The following SLIT2 variants were observed in gnomAD, a reference collection of about 807,000 sequenced individuals.
The protein encoded by SLIT2 is slit homolog 2 protein.
A neutral mutation model predicts 185.7 loss-of-function variants in SLIT2; 41 were observed. The ratio of observed to expected loss-of-function variants is 0.22; its 90% CI spans 0.17 to 0.29. The LOEUF (loss-of-function observed/expected upper bound fraction) is 0.29, where lower values mean the gene tolerates loss of function less well. Ranked by LOEUF, SLIT2 falls within the 10% of genes least tolerant of loss-of-function variation. The pLI, the probability that SLIT2 is intolerant of heterozygous loss-of-function variation, is 1.00. For missense variants in SLIT2, 1,571 were observed against 1,909.0 expected, an observed-to-expected ratio of 0.82 and a Z score of 3.30; for synonymous variants, 693 against 680.2, an observed-to-expected ratio of 1.02 and a Z score of -0.29.
At chr4:20,477,426 T>C (rs560637403) in intron 5 of SLIT2, among the ~76,000 whole-genome samples, 1 of 152,274 alleles carries the variant, frequency 6.6e-6, no homozygotes, top group South Asian at 2.1e-4. Flanking sequence ...CTCAAACCCC[T>C]GACCTCGGGT....
At chr4:20,579,848 T>C (rs1020041546) in intron 29 of SLIT2, among the ~76,000 whole-genome samples, 3 of 151,414 alleles carry the variant, frequency 2.0e-5, no homozygotes, top group Non-Finnish European at 4.4e-5. Context: ...AAAATTACTA[T>C]AGTTAAGAAA....
intron 4 of SLIT2, among the ~76,000 whole-genome samples, chr4:20,325,231 T>C (rs1719465615): frequency 6.6e-6 from 1 of 151,842 alleles, no homozygotes; most frequent in African/African-American, 2.4e-5. Flanking sequence ...AAGTTGATCT[T>C]ACTTCTGCTC....
chr4:20,603,259 C>T (rs1434873309), intron 33 of SLIT2, among the ~76,000 whole-genome samples: 1 of 152,140 alleles, frequency 6.6e-6, no homozygotes, highest in East Asian at 1.9e-4. Flanking sequence ...TCATTCGCTA[C>T]CATGATAACA....
chr4:20,280,355 C>CAACAA (rs1714625044), intron 4 of SLIT2, among the ~76,000 whole-genome samples: 1 of 141,736 alleles, frequency 7.1e-6, no homozygotes, highest in Non-Finnish European at 1.6e-5. Flanking sequence ...AAAAAAAGAA[C>CAACAA]AACAACAAAA....
intron 4 of SLIT2, among the ~76,000 whole-genome samples, chr4:20,283,002 G>A (rs1714920065): frequency 6.6e-6 from 1 of 152,074 alleles, no homozygotes; most frequent in South Asian, 2.1e-4. Context: ...TTCTGTTGTA[G>A]CCTTGAGAAA....
chr4:20,443,747 C>CTA lies in SLIT2; in HGVS notation c.396-24002_396-24001dup, dbSNP rs1729948712. Among the ~76,000 whole-genome samples the CTA allele has an allele frequency of 3.3e-5, 5 of 152,202 alleles. No individual in the cohort carries two copies. In the South Asian group the frequency reaches 1.0e-3, roughly 32 times the overall value. On this transcript the variant is annotated intron_variant, in intron 4 of 36. Coordinates refer to ENST00000504154, the MANE Select transcript of SLIT2 (RefSeq NM_004787.4). ...ATTATCCTGGAATGTTTGAGCTTAACTATAGCCTTGAAAGTAAATGAGATA... is the reference window on the plus strand; with the variant it reads ...ATTATCCTGGAATGTTTGAGCTTAACTATATAGCCTTGAAAGTAAATGAGATA...
At chr4:20,356,032 T>C (rs921189608) in intron 4 of SLIT2, among the ~76,000 whole-genome samples, 3 of 152,152 alleles carry the variant, frequency 2.0e-5, no homozygotes, top group African/African-American at 7.2e-5. Context: ...TATTGTTAAA[T>C]AGGGAACAAG....
At chr4:20,545,930 A>G in intron 21 of SLIT2, 101 bp from the exon 22 acceptor site, 1 of 517,600 alleles carries the variant, frequency 1.9e-6, no homozygotes, top group Non-Finnish European at 3.3e-6. Flanking sequence ...AAAAATTGCC[A>G]AGGGGTTCCT....
intron 4 of SLIT2, among the ~76,000 whole-genome samples, chr4:20,338,570 T>C (rs919406920): frequency 6.6e-6 from 1 of 152,166 alleles, no homozygotes; most frequent in East Asian, 1.9e-4. Context: ...GCAAGGCAAA[T>C]TCACCTTTGT....
intron 4 of SLIT2, among the ~76,000 whole-genome samples, chr4:20,408,715 T>A (rs748072551): frequency 1.2e-4 from 19 of 152,156 alleles, no homozygotes; most frequent in Admixed American, 2.6e-4. Context: ...GAGTAAATGA[T>A]GAGTGAGCTG....
chr4:20,365,792 C>T (rs1262660697), intron 4 of SLIT2, among the ~76,000 whole-genome samples: 1 of 152,128 alleles, frequency 6.6e-6, no homozygotes, highest in Non-Finnish European at 1.5e-5. Context: ...TGTTCATCTA[C>T]ATCTTGTGTG....
intron 4 of SLIT2, among the ~76,000 whole-genome samples, chr4:20,302,956 C>T (rs1006656748): frequency 4.9e-5 from 7 of 143,428 alleles, no homozygotes; most frequent in Non-Finnish European, 1.1e-4. Context: ...AAATCTTATC[C>T]CATTATCTAC....
chr4:20,266,830 A>G lies in SLIT2; in HGVS notation c.324-1980A>G, dbSNP rs547942315. 6.6e-5 allele frequency among the ~76,000 whole-genome samples: 10 copies of G among 152,102 alleles called. No individual in the cohort carries two copies. The South Asian group carries it at 2.1e-3, about 32-fold the overall frequency. Reference sequence around the variant, plus strand: ...GCCAAGAGAAGCACTAACTTTTTGTAGGAGAATCAGGGGAAGGTTCACAGA... The same window carrying G: ...GCCAAGAGAAGCACTAACTTTTTGTGGGAGAATCAGGGGAAGGTTCACAGA... On this transcript the variant is annotated intron_variant, in intron 3 of 36. Transcript: ENST00000504154.
intron 4 of SLIT2, among the ~76,000 whole-genome samples, chr4:20,425,811 T>G (rs1257401254): frequency 6.6e-6 from 1 of 152,178 alleles, no homozygotes; most frequent in African/African-American, 2.4e-5. Context: ...CTTAAAGTAG[T>G]AAATGGAGAA....
chr4:20,479,494 C>T (rs761372538), intron 5 of SLIT2, among the ~76,000 whole-genome samples: 13 of 152,112 alleles, frequency 8.5e-5, no homozygotes, highest in Non-Finnish European at 1.5e-4. Flanking sequence ...TCACCCAGTG[C>T]GTGCAGAGCT....
rs773726870 is a variant in SLIT2, at chr4:20,254,315, G to T, written c.179+321G>T. Among the ~76,000 whole-genome samples the T allele has an allele frequency of 6.6e-6, 1 of 152,208 alleles. No individual in the cohort carries two copies. The highest frequency in any genetic ancestry group is 1.5e-5 in the Non-Finnish European group (1 of 68,042). On this transcript the variant is annotated intron_variant, in intron 1 of 36. Transcript: ENST00000504154. The surrounding 1 kb of genome is among the most constrained non-coding windows in gnomAD (Gnocchi z 5.1). ...AAGTACTGGAGGATGCCCGGGGCAA[G>T]TGAGACGCCACTTTGTTCTCCAGAG...
At chr4:20,589,583 T>G (rs1727336750) in intron 29 of SLIT2, 61 bp from the exon 30 acceptor site, 1 of 1,235,284 alleles carries the variant, frequency 8.1e-7, no homozygotes, top group Non-Finnish European at 1.2e-6. Flanking sequence ...AATGACACAG[T>G]CTGCTGGCAG....
intron 6 of SLIT2, among the ~76,000 whole-genome samples, chr4:20,481,801 G>C (rs1222886735): frequency 1.3e-5 from 2 of 151,838 alleles, no homozygotes; most frequent in East Asian, 3.9e-4. Context: ...TATGGTTTTG[G>C]TTTTAATTGC....
intron 4 of SLIT2, among the ~76,000 whole-genome samples, chr4:20,338,603 T>C (rs935733531): frequency 2.6e-5 from 4 of 152,182 alleles, no homozygotes; most frequent in Non-Finnish European, 5.9e-5. Flanking sequence ...ACAGTGAAGC[T>C]TATTTTGGGA....
Sources: gnomAD v4.1 joint callset for allele counts (sites outside exome capture counted in the v4.1 genomes callset) on GRCh38, gnomAD v4.1.1 for gene constraint, Gnocchi (gnomAD v3.1) non-coding constraint, MANE v1.5 for transcripts, NCBI Gene and HGNC (gene_info 2026-07-23, HGNC 2026-07-21) for gene names.